The following UTP20 variants were observed in gnomAD, a reference collection of about 807,000 sequenced individuals.
UTP20 encodes UTP20 small subunit processome component.
In UTP20, 164 loss-of-function variants were observed where a neutral mutation model predicts 329.5. The ratio of observed to expected loss-of-function variants is 0.50; its 90% CI spans 0.44 to 0.57. UTP20 has a LOEUF of 0.57. Among genes scored for constraint, UTP20 ranks in the 20% least tolerant of loss-of-function variants. The pLI, the probability that UTP20 is intolerant of heterozygous loss-of-function variation, is 0.00. For synonymous variants in UTP20, 1,151 were observed against 1,159.3 expected (o/e 0.99, Z 0.14); for missense variants, 3,055 against 3,284.2 (o/e 0.93, Z 1.71).
intron 26 of UTP20, among the ~76,000 whole-genome samples, chr12:101,327,561 T>G (rs538012347): frequency 6.6e-6 from 1 of 152,232 alleles, no homozygotes; most frequent in Non-Finnish European, 1.5e-5. Context: ...AGGTTTCTTC[T>G]AAGAAATTCA....
chr12:101,385,190 T>C (rs2121074529), intron 60 of UTP20, among the ~76,000 whole-genome samples: 1 of 152,178 alleles, frequency 6.6e-6, no homozygotes, highest in African/African-American at 2.4e-5. Flanking sequence ...TCCCCCCATC[T>C]GCAAGAGCTC....
chr12:101,304,066 G>A (rs991308709), intron 15 of UTP20, among the ~76,000 whole-genome samples: 4 of 152,176 alleles, frequency 2.6e-5, no homozygotes, highest in African/African-American at 7.2e-5. Context: ...TTCCCCTTGG[G>A]GAAGGCCAGC....
At chr12:101,385,918 G>A (rs968015350) in intron 61 of UTP20, 50 bp from the exon 62 acceptor site, 2 of 1,479,988 alleles carry the variant, frequency 1.4e-6, no homozygotes, top group Non-Finnish European at 1.8e-6. Flanking sequence ...ATTCTTATTG[G>A]TTTAACATTT....
At chr12:101,291,705 T>A in intron 8 of UTP20, 37 bp from the exon 9 acceptor site, 1 of 1,517,394 alleles carries the variant, frequency 6.6e-7, no homozygotes, top group Non-Finnish European at 8.8e-7. Context: ...TTGAGTTTGA[T>A]ACTTTATATT....
intron 6 of UTP20, 78 bp downstream of exon 6, chr12:101,289,119 G>GT: frequency 7.6e-7 from 1 of 1,308,472 alleles, no homozygotes; most frequent in Non-Finnish European, 1.1e-6. Context: ...GCTCATGCCT[G>GT]TAATCCCAAC....
intron 9 of UTP20, 23 bp downstream of exon 9, chr12:101,291,911 T>G: frequency 6.2e-7 from 1 of 1,608,594 alleles, no homozygotes; most frequent in Non-Finnish European, 8.5e-7. Flanking sequence ...CTTAATATGC[T>G]CGAGAGTCTG....
chr12:101,382,912 A>G, intron 58 of UTP20, 129 bp from the exon 59 acceptor site: 1 of 1,138,514 alleles, frequency 8.8e-7, no homozygotes, highest in African/African-American at 1.6e-5. Context: ...TAGTTGTTAA[A>G]TAGTTGTAAT....
intron 47 of UTP20, among the ~76,000 whole-genome samples, 157 bp downstream of exon 47, chr12:101,366,856 T>A (rs117809493): frequency 5.9e-5 from 9 of 152,258 alleles, no homozygotes; most frequent in Non-Finnish European, 1.3e-4. Context: ...GTCCATTTAC[T>A]ATTTATCTCT....
rs569289469 is a variant in UTP20 at position 101,287,424 on chromosome 12, AC to A, written c.515+916del. On this transcript the variant is annotated intron_variant, in intron 5 of 61. Transcript: ENST00000261637. ...GACTTCAGCTGTCATAAAAGCTGCC[AC>A]TTTTATGTCTCCTAAGTCAGGCTCT... Among the ~76,000 whole-genome samples the A allele has an allele frequency of 7.4e-4, 112 of 152,310 alleles. 2 individuals carry two copies. In the South Asian group the frequency reaches 0.019, roughly 25 times the overall value.
chr12:101,300,172 C>T (rs1406305592), intron 14 of UTP20, 111 bp downstream of exon 14: 49 of 1,044,408 alleles, frequency 4.7e-5, no homozygotes, highest in Non-Finnish European at 6.2e-5. Flanking sequence ...CTGGCATAAC[C>T]CCCTGGATGA....
At chr12:101,316,310 G>A (rs1157282812) in intron 21 of UTP20, among the ~76,000 whole-genome samples, 1 of 152,216 alleles carries the variant, frequency 6.6e-6, no homozygotes, top group Non-Finnish European at 1.5e-5. Context: ...GATGCTTTGT[G>A]TGAATTGTTT....
At chr12:101,306,619 CTT>C in intron 16 of UTP20, 78 bp from the exon 17 acceptor site, 1 of 1,326,164 alleles carries the variant, frequency 7.5e-7, no homozygotes, top group Non-Finnish European at 1.0e-6. Context: ...TTGTATAAAA[CTT>C]AAATCTTGCT....
At chr12:101,340,084 T>C (rs558944573) in intron 31 of UTP20, among the ~76,000 whole-genome samples, 48 of 152,136 alleles carry the variant, frequency 3.2e-4, no homozygotes, top group Non-Finnish European at 4.7e-4. Context: ...TCTCTGAGTC[T>C]CAGTTTTTTT....
At chr12:101,376,070 A>G (rs561268322) in intron 56 of UTP20, among the ~76,000 whole-genome samples, 1 of 152,116 alleles carries the variant, frequency 6.6e-6, no homozygotes, top group Non-Finnish European at 1.5e-5. Flanking sequence ...TGAAAACTGT[A>G]TATATTTATG....
intron 38 of UTP20, among the ~76,000 whole-genome samples, chr12:101,351,646 A>AT (rs1259600739): frequency 6.6e-6 from 1 of 150,728 alleles, no homozygotes; most frequent in East Asian, 2.0e-4. Context: ...CATCACCTAG[A>AT]TATTAAGCCC....
chr12:101,310,176 T>C lies in UTP20; in HGVS notation c.2231+337T>C, dbSNP rs371611789. ...AATTGCATAATTTTATTTCTATATTTTGAGTCATTGAGCCATACTTTAAAA... is the reference window on the plus strand; with the variant it reads ...AATTGCATAATTTTATTTCTATATTCTGAGTCATTGAGCCATACTTTAAAA... On this transcript the variant is annotated intron_variant, in intron 19 of 61. Coordinates refer to ENST00000261637, the MANE Select transcript of UTP20 (RefSeq NM_014503.3). Among the ~76,000 whole-genome samples, 52 of 152,304 alleles carry C rather than the reference T, an allele frequency of 3.4e-4. 1 individual carries two copies. The South Asian group carries it at 6.0e-3, about 18-fold the overall frequency.
chr12:101,380,629 G>A (rs943743651), intron 57 of UTP20, among the ~76,000 whole-genome samples: 2 of 151,934 alleles, frequency 1.3e-5, no homozygotes, highest in Admixed American at 1.3e-4. Flanking sequence ...TTGGGAGGCC[G>A]AGGTGGGTGG....
chr12:101,286,546 C>G (rs756396197), intron 5 of UTP20, 37 bp downstream of exon 5: 1 of 1,457,450 alleles, frequency 6.9e-7, no homozygotes, highest in South Asian at 1.6e-5. Context: ...TTTTTAATTG[C>G]CTGCTTCTTT....
At chr12:101,305,337 A>G (rs1872619151) in intron 15 of UTP20, among the ~76,000 whole-genome samples, 1 of 151,864 alleles carries the variant, frequency 6.6e-6, no homozygotes, top group Non-Finnish European at 1.5e-5. Context: ...AGTACATAGT[A>G]GGTACTCAAT....
Sources: gnomAD v4.1 joint callset for allele counts (sites outside exome capture counted in the v4.1 genomes callset) on GRCh38, gnomAD v4.1.1 for gene constraint, MANE v1.5 for transcripts, NCBI Gene and HGNC (gene_info 2026-07-23, HGNC 2026-07-21) for gene names.